The following TACC3 variants were observed in gnomAD, a reference collection of about 807,000 sequenced individuals.
TACC3 encodes transforming acidic coiled-coil containing protein 3.
A neutral mutation model predicts 86.0 loss-of-function variants in TACC3; 52 were observed. The observed-to-expected ratio is 0.60, with a 90% CI of 0.48 to 0.76. TACC3 has a LOEUF of 0.76. Ranked by LOEUF, TACC3 falls within the 30% of genes least tolerant of loss-of-function variation. The pLI is 0.00. For missense variants in TACC3, 1,120 were observed against 1,070.4 expected, an observed-to-expected ratio of 1.05 and a Z score of -0.65; for synonymous variants, 512 against 430.0, an observed-to-expected ratio of 1.19 and a Z score of -2.36.
intron 4 of TACC3, 33 bp from the exon 5 acceptor site, chr4:1,730,854 G>C: frequency 6.2e-7 from 1 of 1,603,438 alleles, no homozygotes; most frequent in Non-Finnish European, 8.5e-7. Context: ...ATGGGGTGGG[G>C]GGCATGGGCC....
rs186400834 is a variant in TACC3 at position 1,740,870 on chromosome 4, A to G, written c.2107A>G (p.Lys703Glu). The G allele has an allele frequency of 1.9e-6, 3 of 1,612,496 alleles. No individual in the cohort carries two copies. The highest frequency in any genetic ancestry group is 2.2e-5 in the East Asian group (1 of 44,878). ...QKELSKAEIQ[K>E]VLKEKDQLTT... ...GGAACTTTCCAAAGCTGAAATCCAG[A>G]AAGTTCTAAAAGAAAAAGACCAACT... The change falls in exon 13 of 16, where the codon AAA (lysine) becomes GAA (glutamate). Residue 703 changes from lysine (K) to glutamate (E), a missense_variant. Coordinates refer to ENST00000313288, the MANE Select transcript of TACC3 (RefSeq NM_006342.3).
At chr4:1,733,195 A>G (rs1467403275) in intron 6 of TACC3, among the ~76,000 whole-genome samples, 1 of 152,036 alleles carries the variant, frequency 6.6e-6, no homozygotes, top group Non-Finnish European at 1.5e-5. Flanking sequence ...GCGTCTTTTT[A>G]TGTGCTCGTT....
chr4:1,727,663 C>A (rs538214567), intron 3 of TACC3, 45 bp from the exon 4 acceptor site: 17 of 1,538,378 alleles, frequency 1.1e-5, no homozygotes, highest in Non-Finnish European at 1.3e-5. Flanking sequence ...CCCCTAACCT[C>A]ACCAGGTACT....
chr4:1,725,753 C>T (rs1717652128), intron 3 of TACC3, among the ~76,000 whole-genome samples: 1 of 152,234 alleles, frequency 6.6e-6, no homozygotes, highest in Non-Finnish European at 1.5e-5. Context: ...CTTTCTGGAA[C>T]TCTGCTGAGG....
upstream of TACC3, chr4:1,720,670 C>T: frequency 6.5e-7 from 1 of 1,548,118 alleles, no homozygotes; most frequent in Non-Finnish European, 8.7e-7. This position sits in a 1 kb window ranked among gnomAD's most constrained non-coding sequence, Gnocchi z 4.4. Context: ...GCGTGGCGGC[C>T]GTGCGGCGCA....
intron 4 of TACC3, among the ~76,000 whole-genome samples, chr4:1,729,086 C>G (rs1461990042): frequency 6.6e-6 from 1 of 152,206 alleles, no homozygotes; most frequent in Non-Finnish European, 1.5e-5. Flanking sequence ...GTCCCCCAGT[C>G]ATGTTCCTCC....
rs781597183 is a variant in TACC3 at position 1,727,723 on chromosome 4, G to A, written c.321G>A (p.Lys107=). The part of the protein sequence containing the change: ...WTQKENQQLI[K]EVDAKTTHGI... ...CTTTTAAAAGCCAACAGCTCATCAA[G>A]GAAGTGGATGCCAAAACTACTCATG... The change falls in exon 4 of 16, where the codon AAG becomes AAA. Residue 107 remains lysine (K), a synonymous_variant. Coordinates refer to ENST00000313288, the MANE Select transcript of TACC3 (RefSeq NM_006342.3). The A allele has an allele frequency of 2.5e-6, 4 of 1,588,456 alleles. No individual in the cohort carries two copies. The Admixed American group carries it at 7.0e-5, about 28-fold the overall frequency.
intron 11 of TACC3, 74 bp from the exon 12 acceptor site, chr4:1,739,879 TGTCCCC>T: frequency 1.4e-6 from 2 of 1,459,032 alleles, no homozygotes; most frequent in Non-Finnish European, 1.8e-6. Flanking sequence ...TCGCCATCCC[TGTCCCC>T]GTCCCCATCC....
At chr4:1,729,716 C>T (rs1717904071) in intron 4 of TACC3, among the ~76,000 whole-genome samples, 1 of 152,200 alleles carries the variant, frequency 6.6e-6, no homozygotes, top group Non-Finnish European at 1.5e-5. Flanking sequence ...ATCACAGGGA[C>T]ACAGGCCTCT....
intron 9 of TACC3, 59 bp from the exon 10 acceptor site, chr4:1,737,539 A>C: frequency 7.5e-7 from 1 of 1,334,856 alleles, no homozygotes; most frequent in Non-Finnish European, 1.0e-6. Flanking sequence ...CCCTCACACT[A>C]GGTCAGAGGT....
Position 1,744,709 on chromosome 4 carries a change from C to CT in TACC3, c.2331-3_2331-2insT, listed in dbSNP as rs1560331230. The CT allele has an allele frequency of 6.2e-7, 1 of 1,612,554 alleles. No homozygotes were observed. Among genetic ancestry groups the CT allele is most frequent in the Non-Finnish European group, 8.5e-7 (1 of 1,179,918 alleles). On this transcript the variant is annotated splice_polypyrimidine_tract_variant and splice_region_variant and intron_variant, in intron 14 of 15. Transcript: ENST00000313288. Reference sequence around the variant, plus strand: ...AGCCTCTGCCCCGCCCCTACCCCTCCAGGGCAAACGAGGAGATCGCCCAGG... The same window carrying CT: ...AGCCTCTGCCCCGCCCCTACCCCTCCTAGGGCAAACGAGGAGATCGCCCAGG...
intron 3 of TACC3, among the ~76,000 whole-genome samples, chr4:1,727,379 C>A (rs1345212219): frequency 6.6e-6 from 1 of 152,146 alleles, no homozygotes; most frequent in Non-Finnish European, 1.5e-5. Context: ...GGGTCCAGCA[C>A]CTGGCAAAGC....
At chr4:1,720,640 C>T (rs950700994), upstream of TACC3, 1 of 1,540,480 alleles carries the variant, frequency 6.5e-7, no homozygotes, top group African/African-American at 1.4e-5. The surrounding 1 kb of genome is among the most constrained non-coding windows in gnomAD (Gnocchi z 4.4). Flanking sequence ...CACCGAGCGG[C>T]AGCAGCGAGT....
chr4:1,727,758 A>G lies in TACC3; in HGVS notation c.356A>G (p.Gln119Arg). The change falls in exon 4 of 16, where the codon CAG (glutamine) becomes CGG (arginine). Residue 119 changes from glutamine to arginine, a missense_variant. Physicochemically the swap from Gln to Arg is conservative, Grantham distance 43 (BLOSUM62 1). Coordinates refer to ENST00000313288, the MANE Select transcript of TACC3 (RefSeq NM_006342.3). ...VDAKTTHGIL[Q>R]KPVEADTDLL... The stretch of plus-strand genomic sequence containing the variant: ...GCCAAAACTACTCATGGAATTCTAC[A>G]GAAACCAGTGGAGGCTGACACCGAC... 1 of 1,607,210 alleles carries G rather than the reference A, an allele frequency of 6.2e-7. No homozygotes were observed. Among genetic ancestry groups the G allele is most frequent in the South Asian group, 1.1e-5 (1 of 90,698 alleles).
intron 6 of TACC3, among the ~76,000 whole-genome samples, chr4:1,733,965 A>G (rs1450070996): frequency 6.7e-6 from 1 of 148,180 alleles, no homozygotes; most frequent in Non-Finnish European, 1.5e-5. Context: ...CAACAGAGCA[A>G]GACTCTGTCT....
chr4:1,735,626 C>T lies in TACC3; in HGVS notation c.1645-105C>T, dbSNP rs1046455158. The T allele has an allele frequency of 8.1e-5, 72 of 892,930 alleles. No individual in the cohort carries two copies. Among genetic ancestry groups the T allele is most frequent in the Non-Finnish European group, 1.1e-4 (63 of 549,880 alleles). The allele number at this position is 892,930 out of a possible 1,614,324, so 55.3% of individuals were successfully genotyped here. ...GTGGGTGACCGGGGGTGGGAGTGTG[C>T]GGGTGACCGGGGGTGGGAGTGTGCA... On this transcript the variant is annotated intron_variant, in intron 7 of 15. Transcript: ENST00000313288. The surrounding 1 kb of genome is among the most constrained non-coding windows in gnomAD (Gnocchi z 4.2).
intron 11 of TACC3, 89 bp downstream of exon 11, chr4:1,739,867 C>T: frequency 1.3e-6 from 2 of 1,581,720 alleles, no homozygotes; most frequent in Non-Finnish European, 1.7e-6. Flanking sequence ...TCCCCATCCC[C>T]CTCGCCATCC....
intron 1 of TACC3, among the ~76,000 whole-genome samples, chr4:1,722,422 C>T (rs1400030783): frequency 3.3e-5 from 5 of 152,178 alleles, no homozygotes; most frequent in African/African-American, 9.7e-5. Flanking sequence ...AGTGGCCAGG[C>T]CCGGGTCTGG....
intron 2 of TACC3, 27 bp downstream of exon 2, chr4:1,723,610 C>T (rs1455625998): frequency 1.9e-6 from 3 of 1,609,122 alleles, no homozygotes; most frequent in Non-Finnish European, 2.5e-6. Context: ...CAGTGTGTGG[C>T]TGGCCAGGTT....
Sources: gnomAD v4.1 joint callset for allele counts (sites outside exome capture counted in the v4.1 genomes callset) on GRCh38, gnomAD v4.1.1 for gene constraint, Gnocchi (gnomAD v3.1) non-coding constraint, MANE v1.5 for transcripts, NCBI Gene and HGNC (gene_info 2026-07-23, HGNC 2026-07-21) for gene names.